KCNQ2: variants seen among roughly 807,000 people sequenced by gnomAD.
The protein encoded by KCNQ2 is potassium voltage-gated channel subfamily Q member 2.
KCNQ2 carries 14 observed loss-of-function variants against 84.8 expected under a neutral mutation model. That is an observed-to-expected ratio of 0.17 (90% CI 0.11 to 0.26). The LOEUF is 0.26. KCNQ2 is among the 10% of genes least tolerant of loss of function. The pLI is 1.00. For missense variants in KCNQ2, 788 were observed against 1,254.0 expected (o/e 0.63, Z 5.61); for synonymous variants, 599 against 554.1 (o/e 1.08, Z -1.14).
chr20:63,411,992 C>G, intron 15 of KCNQ2: 1 of 646,006 alleles, frequency 1.5e-6, no homozygotes, highest in Non-Finnish European at 2.8e-6. Context: ...GAGGCTCCGT[C>G]GAAACAGGTG....
chr20:63,427,502 A>G (rs1435659050), intron 10 of KCNQ2, among the ~76,000 whole-genome samples: 1 of 152,316 alleles, frequency 6.6e-6, no homozygotes, highest in East Asian at 1.9e-4. Flanking sequence ...TTGTTCTTTC[A>G]CAGTCCTAGA....
chr20:63,417,994 G>A (rs969803652), intron 12 of KCNQ2, among the ~76,000 whole-genome samples: 2 of 152,178 alleles, frequency 1.3e-5, no homozygotes, highest in Non-Finnish European at 2.9e-5. Flanking sequence ...ATCTGCGAGG[G>A]AGGCTCTGCC....
intron 12 of KCNQ2, among the ~76,000 whole-genome samples, chr20:63,417,016 G>A (rs1242324240): frequency 2.0e-5 from 3 of 152,232 alleles, no homozygotes; most frequent in African/African-American, 4.8e-5. Flanking sequence ...GATCCCCCGA[G>A]TCCCGAGGCG....
chr20:63,418,331 C>T (rs1035423063), intron 12 of KCNQ2, among the ~76,000 whole-genome samples: 2 of 152,328 alleles, frequency 1.3e-5, no homozygotes, highest in Admixed American at 6.5e-5. Context: ...CACCTGAGAG[C>T]GCGCCATCCC....
rs772405187 is a variant in KCNQ2 at position 63,408,436 on chromosome 20, G to A, written c.1864C>T (p.Arg622Trp). The change falls in exon 16 of 17, where the codon CGG (arginine) becomes TGG (tryptophan). Residue 622 changes from arginine to tryptophan, a missense_variant. By Grantham distance (101) the Arg-to-Trp change is moderately radical. Coordinates refer to ENST00000359125, the MANE Select transcript of KCNQ2 (RefSeq NM_172107.4). The surrounding 1 kb of genome is among the most constrained non-coding windows in gnomAD (Gnocchi z 5.0). ...ACCTGCTTCTCCACCTTCCCGAGCC[G>A]TCCCATCATGCTGGGGTCCTCGGGC... The part of the protein sequence containing the change: ...ELPEDPSMMG[R>W]LGKVEKQVLS... The A allele has an allele frequency of 5.0e-6, 8 of 1,608,750 alleles. No individual in the cohort carries two copies. Among genetic ancestry groups the A allele is most frequent in the Non-Finnish European group, 6.8e-6 (8 of 1,179,084 alleles).
At chr20:63,440,665 T>C (rs1276412300) in intron 5 of KCNQ2, among the ~76,000 whole-genome samples, 1 of 152,086 alleles carries the variant, frequency 6.6e-6, no homozygotes, top group Admixed American at 6.5e-5. Context: ...AGCCCCACCT[T>C]GGGGAGTTTA....
At chr20:63,464,674 C>T (rs1225663544) in intron 1 of KCNQ2, among the ~76,000 whole-genome samples, 2 of 152,212 alleles carry the variant, frequency 1.3e-5, no homozygotes, top group Non-Finnish European at 2.9e-5. Flanking sequence ...CTGCGCCCCA[C>T]ACTCCAGCTC....
Position 63,434,120 on chromosome 20 carries a change from T to C in KCNQ2, c.1024-217A>G. ...ACAGGCAAGCCCGCTTGTCAGACGG[T>C]GGGGCCTGAAGGAGGGGAGCGGTTG... On this transcript the variant is annotated intron_variant, in intron 7 of 16. Coordinates refer to ENST00000359125, the MANE Select transcript of KCNQ2 (RefSeq NM_172107.4). 9 of 561,262 alleles carry C rather than the reference T, an allele frequency of 1.6e-5. No homozygotes were observed. The South Asian group carries it at 2.2e-4, about 13-fold the overall frequency. The allele number at this position is 561,262 out of a possible 1,614,324, so 34.8% of individuals were successfully genotyped here. A position where few individuals can be genotyped will look rare whatever the true frequency, so the allele number is the denominator to read the frequency against.
Position 63,401,126 on chromosome 20 carries a change from G to A in KCNQ2, c.*5518C>T, listed in dbSNP as rs557862525. On this transcript the variant is annotated 3_prime_UTR_variant, in exon 17 of 17. Coordinates refer to ENST00000359125, the MANE Select transcript of KCNQ2 (RefSeq NM_172107.4). ...CAGAGCCAGTCTCCTCGGCCAGCCA[G>A]GGGCACCACGGCAAGTGTCCAAGCC... is the stretch of plus-strand genomic sequence containing the variant. 11 of 366,320 alleles carry A rather than the reference G, an allele frequency of 3.0e-5. No homozygotes were observed. The East Asian group carries it at 4.0e-4, about 13-fold the overall frequency. 22.7% of individuals were successfully genotyped at this position (366,320 alleles called of 1,614,324 possible).
chr20:63,465,087 G>A (rs966505090), intron 1 of KCNQ2, among the ~76,000 whole-genome samples: 3 of 152,248 alleles, frequency 2.0e-5, no homozygotes, highest in Admixed American at 6.5e-5. Context: ...AGCGACAGGC[G>A]CAGGTTTGGG....
At chr20:63,454,464 C>T (rs557750728) in intron 1 of KCNQ2, among the ~76,000 whole-genome samples, 1 of 152,210 alleles carries the variant, frequency 6.6e-6, no homozygotes, top group Non-Finnish European at 1.5e-5. Context: ...CGTCTGGGCC[C>T]GTCTGGGGGA....
intron 1 of KCNQ2, among the ~76,000 whole-genome samples, chr20:63,450,863 C>T (rs2081593392): frequency 6.6e-6 from 1 of 152,016 alleles, no homozygotes; most frequent in Non-Finnish European, 1.5e-5. Flanking sequence ...AAAACCTGGC[C>T]ATGCATGGCG....
chr20:63,451,139 A>C (rs1307882811), intron 1 of KCNQ2, among the ~76,000 whole-genome samples: 1 of 122,210 alleles, frequency 8.2e-6, no homozygotes. Flanking sequence ...CTCTGTCCCA[A>C]AAAAAAAAAA....
intron 15 of KCNQ2, among the ~76,000 whole-genome samples, chr20:63,410,562 G>A (rs2080092254): frequency 6.6e-6 from 1 of 152,038 alleles, no homozygotes; most frequent in Non-Finnish European, 1.5e-5. Context: ...AGCACTCTTG[G>A]GCATGGGGGA....
chr20:63,449,892 G>A (rs1600809526), intron 1 of KCNQ2, among the ~76,000 whole-genome samples: 1 of 152,008 alleles, frequency 6.6e-6, no homozygotes, highest in East Asian at 1.9e-4. Flanking sequence ...AGCCCACTGG[G>A]TGGTGGCAGC....
Position 63,419,670 on chromosome 20 carries a change from T to G in KCNQ2, c.1250A>C (p.Lys417Thr). The change falls in exon 12 of 17, where the codon AAA becomes ACA. Residue 417 changes from lysine (K) to threonine (T), a missense_variant and splice_region_variant. Physicochemically the swap from Lys to Thr is moderately conservative, Grantham distance 78. Around this residue, in one of 8 missense-constraint regions of KCNQ2, gnomAD observed 202 missense variants for 239.4 expected, o/e 0.84. Transcript: ENST00000359125. ...KDPPPEPSPS[K>T]GSPCRGPLCG... ...CAGGGGCCCTCTGCACGGGCTGCCT[T>G]TACTGGAAATGAGGAGAGCACAGTT... The G allele has an allele frequency of 6.2e-7, 1 of 1,610,520 alleles. No individual in the cohort carries two copies. Among genetic ancestry groups the G allele is most frequent in the Non-Finnish European group, 8.5e-7 (1 of 1,179,170 alleles).
intron 6 of KCNQ2, 59 bp downstream of exon 6, chr20:63,439,539 C>T: frequency 1.5e-6 from 2 of 1,322,716 alleles, no homozygotes; most frequent in South Asian, 1.2e-5. Flanking sequence ...CCTGTGGTCA[C>T]CTCGGGAGCC....
chr20:63,437,295 T>C (rs965638370), intron 7 of KCNQ2: 2 of 152,250 alleles, frequency 1.3e-5, no homozygotes, highest in Non-Finnish European at 2.9e-5. Context: ...CAGACGCTGC[T>C]TTTTCTGGCA....
chr20:63,472,417 C>G lies in KCNQ2; in HGVS notation c.47G>C (p.Gly16Ala). Residue 16 changes from glycine to alanine, a missense_variant, in exon 1 of 17, where the codon GGG becomes GCG. Transcript: ENST00000359125. ...RNGGVYPGPSGEKKLKVGFVG... is the reference protein window; with the variant it reads ...RNGGVYPGPSAEKKLKVGFVG... ...GAAGCCCACCTTCAGCTTCTTCTCC[C>G]CGCTCGGGCCGGGGTATACGCCGCC... The G allele has an allele frequency of 6.5e-7, 1 of 1,538,666 alleles. No individual in the cohort carries two copies. The highest frequency in any genetic ancestry group is 8.7e-7 in the Non-Finnish European group (1 of 1,147,342).
Sources: allele counts gnomAD v4.1 joint callset (sites outside exome capture counted in the v4.1 genomes callset), GRCh38; gene constraint gnomAD v4.1.1; regional missense constraint gnomAD v4.1.1; non-coding constraint Gnocchi (gnomAD v3.1); transcripts MANE v1.5; gene names NCBI Gene and HGNC (gene_info 2026-07-23, HGNC 2026-07-21).